PTPRG: variants seen among roughly 807,000 people sequenced by gnomAD.
PTPRG encodes protein tyrosine phosphatase receptor type G, also known as receptor-type tyrosine-protein phosphatase gamma.
PTPRG carries 102 observed loss-of-function variants against 165.3 expected under a neutral mutation model. That is an observed-to-expected ratio of 0.62 (90% CI 0.53 to 0.73). The LOEUF (loss-of-function observed/expected upper bound fraction) is 0.73, where lower values mean the gene tolerates loss of function less well. Ranked by LOEUF, PTPRG falls within the 30% of genes least tolerant of loss-of-function variation. The pLI, the probability that PTPRG is intolerant of heterozygous loss-of-function variation, is 0.00. For synonymous variants in PTPRG, 675 were observed against 669.5 expected (o/e 1.01, Z -0.13); for missense variants, 1,866 against 1,861.4 (o/e 1.00, Z -0.05).
At chr3:61,816,979 T>A (rs62243181) in intron 2 of PTPRG, among the ~76,000 whole-genome samples, 32,853 of 136,614 alleles carry the variant, frequency 0.24, 4,205 homozygotes, top group East Asian at 0.36. Context: ...ATCACTTATA[T>A]ATATATTATA....
intron 1 of PTPRG, among the ~76,000 whole-genome samples, chr3:61,599,964 G>A (rs1175822016): frequency 6.6e-6 from 1 of 151,804 alleles, no homozygotes; most frequent in African/African-American, 2.4e-5. Context: ...TTTGAGACCA[G>A]CCTGGCCAAC....
chr3:61,957,491 G>A (rs2040059987), intron 2 of PTPRG, among the ~76,000 whole-genome samples: 1 of 152,236 alleles, frequency 6.6e-6, no homozygotes, highest in Non-Finnish European at 1.5e-5. Context: ...TGACTTGGAT[G>A]CAGCATTTTT....
chr3:61,799,137 A>G (rs541182839), intron 2 of PTPRG, among the ~76,000 whole-genome samples: 2 of 152,266 alleles, frequency 1.3e-5, no homozygotes, highest in South Asian at 2.1e-4. Flanking sequence ...ACAGGAATAA[A>G]CTGTCTTTCC....
intron 1 of PTPRG, among the ~76,000 whole-genome samples, chr3:61,610,749 GCCTCCCTCCCTC>G (rs10662046): frequency 3.0e-5 from 3 of 98,598 alleles, no homozygotes; most frequent in Non-Finnish European, 5.9e-5. Context: ...CTGCCTCCCT[GCCTCCCTCCCTC>G]CCTCCCTCCC....
intron 2 of PTPRG, among the ~76,000 whole-genome samples, chr3:61,988,071 C>T (rs1417438340): frequency 2.0e-5 from 3 of 152,066 alleles, no homozygotes; most frequent in Non-Finnish European, 2.9e-5. Flanking sequence ...GATAGTAGCG[C>T]GACACTTATA....
At chr3:62,230,718 GA>G (rs1203472194) in intron 13 of PTPRG, among the ~76,000 whole-genome samples, 1 of 152,172 alleles carries the variant, frequency 6.6e-6, no homozygotes, top group Non-Finnish European at 1.5e-5. Flanking sequence ...TGTGAATTAA[GA>G]AAATGTTTGT....
At chr3:61,802,294 G>A (rs1372601020) in intron 2 of PTPRG, among the ~76,000 whole-genome samples, 1 of 152,172 alleles carries the variant, frequency 6.6e-6, no homozygotes, top group African/African-American at 2.4e-5. Context: ...TAGGGAAGGT[G>A]TGACCACTGA....
intron 6 of PTPRG, among the ~76,000 whole-genome samples, chr3:62,138,616 G>T (rs749384671): frequency 5.8e-4 from 88 of 151,348 alleles, no homozygotes; most frequent in Non-Finnish European, 1.1e-3. Context: ...CTACTTGGGA[G>T]GCTGAGGCAG....
intron 1 of PTPRG, among the ~76,000 whole-genome samples, chr3:61,571,812 C>G (rs1700063389): frequency 6.6e-6 from 1 of 152,096 alleles, no homozygotes; most frequent in South Asian, 2.1e-4. Context: ...CAGGAAAGGT[C>G]TGAGGGTGTT....
At chr3:61,650,733 A>T (rs532088923) in intron 1 of PTPRG, among the ~76,000 whole-genome samples, 1 of 152,252 alleles carries the variant, frequency 6.6e-6, no homozygotes, top group African/African-American at 2.4e-5. Context: ...TATTAATGTG[A>T]TGGTTTTCAT....
intron 1 of PTPRG, among the ~76,000 whole-genome samples, chr3:61,713,248 G>C (rs1044208479): frequency 6.6e-6 from 1 of 150,634 alleles, no homozygotes; most frequent in Non-Finnish European, 1.5e-5. Flanking sequence ...GCAACCTCCA[G>C]CTCCCTGGTT....
intron 4 of PTPRG, among the ~76,000 whole-genome samples, chr3:62,008,176 T>C (rs185257530): frequency 1.6e-4 from 25 of 152,350 alleles, no homozygotes; most frequent in African/African-American, 5.5e-4. Context: ...ATAACACTAA[T>C]AGAAATTGAA....
intron 6 of PTPRG, among the ~76,000 whole-genome samples, 173 bp downstream of exon 6, chr3:62,132,841 C>G (rs1214826594): frequency 1.3e-5 from 2 of 152,140 alleles, no homozygotes; most frequent in Non-Finnish European, 2.9e-5. Context: ...CATTTATTAC[C>G]TGCAAATGGG....
chr3:62,255,726 T>C lies in PTPRG; in HGVS notation c.2559+511T>C, dbSNP rs138240415. Among the ~76,000 whole-genome samples the C allele has an allele frequency of 4.0e-3, 612 of 152,280 alleles. 3 individuals are homozygous for C. The highest frequency in any genetic ancestry group is 0.014 in the African/African-American group (563 of 41,568). ...CAATGTCACCTACATTGTAACGTCG[T>C]TGGAAAAATAAATGATTAACATCTT... On this transcript the variant is annotated intron_variant, in intron 16 of 29. Transcript: ENST00000474889. The surrounding 1 kb of genome is among the most constrained non-coding windows in gnomAD (Gnocchi z 4.0).
Position 62,167,970 on chromosome 3 carries a change from G to C in PTPRG, c.841-1G>C. 1 of 1,610,896 alleles carries C rather than the reference G, an allele frequency of 6.2e-7. No individual in the cohort carries two copies. The highest frequency in any genetic ancestry group is 8.5e-7 in the Non-Finnish European group (1 of 1,177,960). On this transcript the variant is annotated splice_acceptor_variant, in intron 7 of 29. Transcript: ENST00000474889. LOFTEE classifies it high-confidence loss of function. The stretch of plus-strand genomic sequence containing the variant: ...CCTCCCCTCTCTGGTCCTCTGTTCA[G>C]CTTGAGGCTTTTTATTCCATCTTCA...
chr3:61,994,136 A>G (rs1177272963), intron 3 of PTPRG, among the ~76,000 whole-genome samples: 3 of 152,104 alleles, frequency 2.0e-5, no homozygotes, highest in East Asian at 1.9e-4. Flanking sequence ...CCTTTCTTTC[A>G]TTTTTGTAGA....
intron 1 of PTPRG, among the ~76,000 whole-genome samples, chr3:61,672,820 A>G (rs896565905): frequency 2.0e-5 from 3 of 146,770 alleles, no homozygotes; most frequent in African/African-American, 5.1e-5. Context: ...AGGGAGAGAG[A>G]GAGGGAGAGG....
At position 62,222,142 on chromosome 3, in the gene PTPRG, G is replaced by A. The variant is rs1222089737; in HGVS notation, c.2288+3159G>A. Among the ~76,000 whole-genome samples, 1 of 152,166 alleles carries A rather than the reference G, an allele frequency of 6.6e-6. No homozygotes were observed. Among genetic ancestry groups the A allele is most frequent in the Admixed American group, 6.5e-5 (1 of 15,274 alleles). On this transcript the variant is annotated intron_variant, in intron 13 of 29. Coordinates refer to ENST00000474889, the MANE Select transcript of PTPRG (RefSeq NM_002841.4). This position sits in a 1 kb window ranked among gnomAD's most constrained non-coding sequence, Gnocchi z 4.5. ...ATATCATCACCAGAACCCTTTTGTTGTTCAGAACCCTTTTCTATTGCAGTT... is the reference window on the plus strand; with the variant it reads ...ATATCATCACCAGAACCCTTTTGTTATTCAGAACCCTTTTCTATTGCAGTT...
chr3:61,941,363 G>A (rs1575807377), intron 2 of PTPRG, among the ~76,000 whole-genome samples: 1 of 152,166 alleles, frequency 6.6e-6, no homozygotes, highest in South Asian at 2.1e-4. Flanking sequence ...GGTGGCTCAC[G>A]CCGGTAATCC....
Sources: gnomAD v4.1 joint callset for allele counts (sites outside exome capture counted in the v4.1 genomes callset) on GRCh38, gnomAD v4.1.1 for gene constraint, Gnocchi (gnomAD v3.1) non-coding constraint, MANE v1.5 for transcripts, NCBI Gene and HGNC (gene_info 2026-07-23, HGNC 2026-07-21) for gene names.